SGCZ: variants seen among roughly 807,000 people sequenced by gnomAD.
SGCZ encodes zeta-sarcoglycan.
A neutral mutation model predicts 41.3 loss-of-function variants in SGCZ; 40 were observed. The observed-to-expected ratio is 0.97, with a 90% confidence interval of 0.75 to 1.26. The LOEUF (loss-of-function observed/expected upper bound fraction) is 1.26. Among genes scored for constraint, SGCZ ranks in the 50% most tolerant of loss-of-function variants. SGCZ has a pLI of 0.00. For synonymous variants in SGCZ, 206 were observed against 137.5 expected (o/e 1.50, Z -3.49); for missense variants, 552 against 369.8 (o/e 1.49, Z -4.04).
At chr8:14,787,423 T>A (rs1382557292) in intron 1 of SGCZ, among the ~76,000 whole-genome samples, 3 of 152,088 alleles carry the variant, frequency 2.0e-5, no homozygotes, top group South Asian at 2.1e-4. Flanking sequence ...TTAGTAATAA[T>A]ATACTAATAA....
intron 1 of SGCZ, among the ~76,000 whole-genome samples, chr8:14,785,010 A>G (rs545588920): frequency 9.9e-4 from 144 of 145,176 alleles, no homozygotes; most frequent in Non-Finnish European, 1.9e-3. Flanking sequence ...AGCTTTATTT[A>G]GAAGCAGAAA....
intron 1 of SGCZ, among the ~76,000 whole-genome samples, chr8:14,671,509 C>T (rs1052837937): frequency 6.6e-6 from 1 of 152,134 alleles, no homozygotes; most frequent in Non-Finnish European, 1.5e-5. Context: ...TGTAGGCTAG[C>T]ACAAACACAA....
chr8:15,210,724 G>A (rs1259224264), intron 1 of SGCZ, among the ~76,000 whole-genome samples: 1 of 151,970 alleles, frequency 6.6e-6, no homozygotes, highest in Non-Finnish European at 1.5e-5. Flanking sequence ...CCCGTCCCTT[G>A]CAGACGTCCA....
chr8:14,362,833 C>G (rs1803574554), intron 2 of SGCZ, among the ~76,000 whole-genome samples: 1 of 152,170 alleles, frequency 6.6e-6, no homozygotes, highest in African/African-American at 2.4e-5. Context: ...TTGGAAGCTA[C>G]CCTACACGAT....
At position 15,067,055 on chromosome 8, in the gene SGCZ, A is replaced by G. The variant is rs111640711; in HGVS notation, c.39+170530T>C. On this transcript the variant is annotated intron_variant, in intron 1 of 7. Transcript: ENST00000382080. ...TATATATGAATACGCGGTCATACAC[A>G]TCACAATTAAACTTTTAAAATACCT... 5.5e-3 allele frequency among the ~76,000 whole-genome samples: 839 copies of G among 152,352 alleles called. 5 individuals are homozygous for G. The highest frequency in any genetic ancestry group is 0.019 in the African/African-American group (795 of 41,582).
At chr8:14,820,936 A>G (rs1371723212) in intron 1 of SGCZ, among the ~76,000 whole-genome samples, 2 of 151,662 alleles carry the variant, frequency 1.3e-5, no homozygotes, top group East Asian at 1.9e-4. Flanking sequence ...AAAAAACACT[A>G]GAAAAAACTA....
At chr8:14,430,456 G>A (rs1156982626) in intron 2 of SGCZ, among the ~76,000 whole-genome samples, 2 of 152,106 alleles carry the variant, frequency 1.3e-5, no homozygotes, top group Non-Finnish European at 2.9e-5. Context: ...ACATGATCAT[G>A]TCATCAGATG....
At chr8:14,758,218 T>A (rs1165047738) in intron 1 of SGCZ, among the ~76,000 whole-genome samples, 1 of 152,166 alleles carries the variant, frequency 6.6e-6, no homozygotes, top group Non-Finnish European at 1.5e-5. Context: ...ACAAATCCAG[T>A]GTTGTCGAAT....
At chr8:14,823,414 G>A (rs1802181172) in intron 1 of SGCZ, among the ~76,000 whole-genome samples, 1 of 151,910 alleles carries the variant, frequency 6.6e-6, no homozygotes, top group African/African-American at 2.4e-5. Flanking sequence ...TAACAAATGG[G>A]CAACAGACCT....
At chr8:14,968,014 G>C (rs1801176001) in intron 1 of SGCZ, among the ~76,000 whole-genome samples, 1 of 152,068 alleles carries the variant, frequency 6.6e-6, no homozygotes, top group East Asian at 1.9e-4. Flanking sequence ...AAAACATCTT[G>C]TACAAAATTT....
chr8:14,985,544 T>A (rs1157318127), intron 1 of SGCZ, among the ~76,000 whole-genome samples: 2 of 152,130 alleles, frequency 1.3e-5, no homozygotes, highest in African/African-American at 2.4e-5. Context: ...TGCCTTGAAT[T>A]AGAATTCAAA....
intron 1 of SGCZ, among the ~76,000 whole-genome samples, chr8:14,994,721 G>A (rs1220121288): frequency 1.3e-5 from 2 of 152,032 alleles, no homozygotes; most frequent in African/African-American, 4.8e-5. Context: ...CTACTCATCT[G>A]ACTCAATGAG....
At chr8:15,111,197 T>C (rs913276848) in intron 1 of SGCZ, among the ~76,000 whole-genome samples, 2 of 152,110 alleles carry the variant, frequency 1.3e-5, no homozygotes, top group Non-Finnish European at 2.9e-5. Flanking sequence ...CACCTGGTTC[T>C]GGTGGCAGGT....
intron 1 of SGCZ, among the ~76,000 whole-genome samples, chr8:15,204,318 G>A (rs1360472780): frequency 3.9e-5 from 6 of 152,160 alleles, no homozygotes; most frequent in Admixed American, 3.9e-4. Flanking sequence ...AAAGTATGCA[G>A]AAGGGTTTTA....
intron 3 of SGCZ, among the ~76,000 whole-genome samples, chr8:14,282,846 A>ATTT (rs1563232512): frequency 1.6e-5 from 1 of 62,984 alleles, no homozygotes; most frequent in African/African-American, 6.3e-5. Flanking sequence ...TCTTTCAAAT[A>ATTT]CTTTTTTTTT....
At chr8:14,363,991 T>TA (rs1803615487) in intron 2 of SGCZ, among the ~76,000 whole-genome samples, 1 of 152,160 alleles carries the variant, frequency 6.6e-6, no homozygotes, top group Non-Finnish European at 1.5e-5. Context: ...CTCCTCATTT[T>TA]ATGCAATACT....
chr8:14,157,556 T>C (rs1803915435), intron 5 of SGCZ, among the ~76,000 whole-genome samples: 1 of 151,528 alleles, frequency 6.6e-6, no homozygotes. Flanking sequence ...TTACTGTTAT[T>C]TATTTGTTAG....
chr8:14,732,253 G>A (rs1044672087), intron 1 of SGCZ, among the ~76,000 whole-genome samples: 2 of 152,022 alleles, frequency 1.3e-5, no homozygotes, highest in Non-Finnish European at 2.9e-5. Flanking sequence ...CCTGCCTGCA[G>A]CTCTTATCTT....
chr8:15,128,515 C>T, intron 1 of SGCZ, among the ~76,000 whole-genome samples: 1 of 152,212 alleles, frequency 6.6e-6, no homozygotes, highest in Non-Finnish European at 1.5e-5. Context: ...CTCTGATTGT[C>T]CCTCCAGACT....
Sources: gnomAD v4.1 joint callset for allele counts (sites outside exome capture counted in the v4.1 genomes callset) on GRCh38, gnomAD v4.1.1 for gene constraint, MANE v1.5 for transcripts, NCBI Gene and HGNC (gene_info 2026-07-23, HGNC 2026-07-21) for gene names.